Variants in FAH observed in about 807,000 individuals in gnomAD.
FAH encodes the protein fumarylacetoacetate hydrolase.
Under a neutral mutation model 55.8 loss-of-function variants are expected in FAH, and 47 were observed. That is an observed-to-expected ratio of 0.84 (90% CI 0.67 to 1.07). The LOEUF (loss-of-function observed/expected upper bound fraction) is 1.07. Among genes scored for constraint, FAH ranks in the 50% least tolerant of loss-of-function variants. FAH has a pLI of 0.00. For synonymous variants in FAH, 199 were observed against 207.7 expected (o/e 0.96, Z 0.36); for missense variants, 495 against 545.9 (o/e 0.91, Z 0.93).
Position 80,153,172 on chromosome 15 carries a change from GGAGTGGAGTGGAGTGGAGT to G in FAH, c.81+39_81+57del, listed in dbSNP as rs554422109. On this transcript the variant is annotated intron_variant, in intron 1 of 13. Coordinates refer to ENST00000561421, the MANE Select transcript of FAH (RefSeq NM_000137.4). ...GGCTTTGGCGTCCGGGCGCGGGGAGGGAGTGGAGTGGAGTGGAGTGGAGTGGAGTGGAGTGGAGTGGAAT... is the reference window on the plus strand; with the variant it reads ...GGCTTTGGCGTCCGGGCGCGGGGAGGGGAGTGGAGTGGAGTGGAGTGGAAT... The G allele has an allele frequency of 0.059, 27,656 of 471,442 alleles. 2,371 individuals carry two copies. The highest frequency in any genetic ancestry group is 0.29 in the East Asian group (9,822 of 33,608). 29.2% of individuals were successfully genotyped at this position (471,442 alleles called of 1,614,324 possible). A position where few individuals can be genotyped will look rare whatever the true frequency, so the allele number is the denominator to read the frequency against.
chr15:80,183,424 T>C (rs115774369), intron 13 of FAH, among the ~76,000 whole-genome samples: 10,488 of 152,290 alleles, frequency 0.069, 435 homozygotes, highest in African/African-American at 0.088. Flanking sequence ...GGAGGTGGTG[T>C]GTCAGCTGTG....
At chr15:80,159,730 C>T (rs562770334) in intron 2 of FAH, 26 bp from the exon 3 acceptor site, 1 of 1,614,134 alleles carries the variant, frequency 6.2e-7, no homozygotes, top group South Asian at 1.1e-5. Flanking sequence ...TGTACGTGAT[C>T]TTTTTTCTCC....
Position 80,173,054 on chromosome 15 carries a change from A to G in FAH, c.747A>G (p.Pro249=), listed in dbSNP as rs138757552. Residue 249 remains proline, a synonymous_variant, in exon 9 of 14, where the codon CCA becomes CCG. Transcript: ENST00000561421. ...AGTGGGAGTATGTCCCTCTCGGGCC[A>G]TTCCTTGGGAAGAGTTTTGGGACCA... ...IQKWEYVPLG[P]FLGKSFGTTV... The G allele has an allele frequency of 3.3e-5, 53 of 1,614,228 alleles. No homozygotes were observed. The African/African-American group carries it at 6.3e-4, about 19-fold the overall frequency.
chr15:80,152,992 C>A (rs532122242), upstream of FAH: 1,810 of 1,467,034 alleles, frequency 1.2e-3, 2 homozygotes, highest in Non-Finnish European at 1.5e-3. Flanking sequence ...CCACAGCGGC[C>A]GAGTTCAGTC....
intron 1 of FAH, chr15:80,155,843 G>A (rs924694209): frequency 6.5e-6 from 3 of 460,228 alleles, no homozygotes; most frequent in Admixed American, 2.3e-5. Flanking sequence ...GCATAAGTCA[G>A]CATTTTCTTC....
chr15:80,158,284 C>G (rs1253710328), intron 2 of FAH, 114 bp downstream of exon 2: 1 of 837,326 alleles, frequency 1.2e-6, no homozygotes. Flanking sequence ...TCGAAGGTCT[C>G]AGAGGTTATA....
At chr15:80,154,776 G>A (rs1210175367) in intron 1 of FAH, among the ~76,000 whole-genome samples, 4 of 152,196 alleles carry the variant, frequency 2.6e-5, no homozygotes, top group Admixed American at 6.5e-5. Flanking sequence ...CCTGGGCTCC[G>A]AGTTGGCATC....
At position 80,159,864 on chromosome 15, in the gene FAH, G is replaced by A. The variant is rs11555097; in HGVS notation, c.301G>A (p.Glu101Lys). 6 of 1,614,224 alleles carry A rather than the reference G, an allele frequency of 3.7e-6. No individual in the cohort carries two copies. The highest frequency in any genetic ancestry group is 1.1e-5 in the South Asian group (1 of 91,082). ...VSQARLRDDT[E>K]LRKCAFISQA... ...CCAAGCCAGGCTCAGAGATGACACC[G>A]AACTTCGGAAGTGGTGAGAAGCACG... is the stretch of plus-strand genomic sequence containing the variant. Residue 101 changes from glutamate (E) to lysine (K), a missense_variant, in exon 3 of 14, where the codon GAA becomes AAA. Physicochemically the swap from Glu to Lys is moderately conservative, Grantham distance 56. Transcript: ENST00000561421.
chr15:80,159,318 C>T (rs551953933), intron 2 of FAH, among the ~76,000 whole-genome samples: 1 of 152,068 alleles, frequency 6.6e-6, no homozygotes, highest in African/African-American at 2.4e-5. Flanking sequence ...AAGTGATCCT[C>T]CACCTCGGCC....
At chr15:80,179,979 ACTGGAGAGAGCTGG>A in intron 11 of FAH, 131 bp from the exon 12 acceptor site, 1 of 695,786 alleles carries the variant, frequency 1.4e-6, no homozygotes, top group East Asian at 2.8e-5. Context: ...ACTATAAGGG[ACTGGAGAGAGCTGG>A]CTGGGGGAGC....
intron 13 of FAH, among the ~76,000 whole-genome samples, chr15:80,184,063 C>G (rs1310148400): frequency 6.6e-6 from 1 of 152,310 alleles, no homozygotes; most frequent in East Asian, 1.9e-4. Flanking sequence ...AATCTCTGAT[C>G]GTCTTGGTTT....
Position 80,180,192 on chromosome 15 carries a change from G to T in FAH, c.1029G>T (p.Gly343=). Residue 343 remains glycine (G), a synonymous_variant, in exon 12 of 14, where the codon GGG becomes GGT. Transcript: ENST00000561421. The stretch of plus-strand genomic sequence containing the variant: ...TCAACGGCTGCAACCTGCGGCCGGG[G>T]GACCTCCTGGCTTCTGGGACCATCA... ...HSVNGCNLRP[G]DLLASGTISG... The T allele has an allele frequency of 6.2e-7, 1 of 1,609,316 alleles. No individual in the cohort carries two copies. The highest frequency in any genetic ancestry group is 8.5e-7 in the Non-Finnish European group (1 of 1,179,972).
At position 80,175,026 on chromosome 15, in the gene FAH, C is replaced by A; in HGVS notation, c.848C>A (p.Pro283His). Residue 283 changes from proline to histidine, a missense_variant, in exon 10 of 14, where the codon CCC becomes CAC. By Grantham distance (77) the Pro-to-His change is moderately conservative (BLOSUM62 -2). Transcript: ENST00000561421. ...GCTTTGCCCTCTCAGGACCCCAGGC[C>A]CCTGCCGTATCTGTGCCATGACGAG... ...AVPNPKQDPR[P>H]LPYLCHDEPY... 2 of 1,610,298 alleles carry A rather than the reference C, an allele frequency of 1.2e-6. No homozygotes were observed. The highest frequency in any genetic ancestry group is 1.7e-6 in the Non-Finnish European group (2 of 1,178,448).
Position 80,153,736 on chromosome 15 carries a change from CTT to C in FAH, c.81+603_81+604del, listed in dbSNP as rs57715200. Among the ~76,000 whole-genome samples, 3,606 of 152,258 alleles carry C rather than the reference CTT, an allele frequency of 0.024. 277 individuals are homozygous for C. In the East Asian group the frequency reaches 0.25, roughly 11 times the overall value. Reference sequence around the variant, plus strand: ...AGAAGAAAGAGGGCAGGGAAACAAACTTTGACTAAGTCAGTGTAGTCTGATTG... The same window carrying C: ...AGAAGAAAGAGGGCAGGGAAACAAACTGACTAAGTCAGTGTAGTCTGATTG... On this transcript the variant is annotated intron_variant, in intron 1 of 13. Transcript: ENST00000561421.
intron 10 of FAH, among the ~76,000 whole-genome samples, chr15:80,176,270 C>T (rs6495478): frequency 0.51 from 77,722 of 151,898 alleles, 21,023 homozygotes; most frequent in East Asian, 0.77. Context: ...CCCACCTAGG[C>T]CTTCCAAAGT....
At chr15:80,158,246 C>A (rs368425713) in intron 2 of FAH, 76 bp downstream of exon 2, 2 of 1,021,986 alleles carry the variant, frequency 2.0e-6, no homozygotes, top group African/African-American at 1.6e-5. Flanking sequence ...ATGCTCCTTG[C>A]GTTCCATTTC....
chr15:80,155,972 G>A (rs552167520), intron 1 of FAH: 1 of 475,854 alleles, frequency 2.1e-6, no homozygotes, highest in East Asian at 5.7e-5. Context: ...TGGACAAGGA[G>A]CGTGACCATT....
At chr15:80,162,542 A>G (rs1259354529) in intron 5 of FAH, 3 of 630,084 alleles carry the variant, frequency 4.8e-6, no homozygotes, top group Non-Finnish European at 8.6e-6. Flanking sequence ...TCGAAGGGCA[A>G]GTCCCTTAAA....
At chr15:80,156,226 T>G in intron 1 of FAH, 1 of 198,568 alleles carries the variant, frequency 5.0e-6, no homozygotes. Context: ...TCTTGCCTTC[T>G]AGGTCACTTC....
Sources: allele counts gnomAD v4.1 joint callset (sites outside exome capture counted in the v4.1 genomes callset), GRCh38; gene constraint gnomAD v4.1.1; transcripts MANE v1.5; gene names NCBI Gene and HGNC (gene_info 2026-07-23, HGNC 2026-07-21).